CNTNAP4: variants seen among roughly 807,000 people sequenced by gnomAD.
CNTNAP4 encodes contactin associated protein family member 4.
Under a neutral mutation model 148.4 loss-of-function variants are expected in CNTNAP4, and 98 were observed. That is an observed-to-expected ratio of 0.66 (90% CI 0.56 to 0.78). The LOEUF (loss-of-function observed/expected upper bound fraction) is 0.78, where lower values mean the gene tolerates loss of function less well. Ranked by LOEUF, CNTNAP4 falls within the 30% of genes least tolerant of loss-of-function variation. CNTNAP4 has a pLI of 0.00. For synonymous variants in CNTNAP4, 730 were observed against 565.1 expected (o/e 1.29, Z -4.14); for missense variants, 1,935 against 1,565.6 (o/e 1.24, Z -3.98).
At chr16:76,555,786 G>C (rs1353251898) in intron 23 of CNTNAP4, among the ~76,000 whole-genome samples, 1 of 152,202 alleles carries the variant, frequency 6.6e-6, no homozygotes, top group African/African-American at 2.4e-5. Context: ...CAAATTCACA[G>C]GACAGAAACA....
chr16:76,474,830 A>T (rs976370174), intron 10 of CNTNAP4, among the ~76,000 whole-genome samples: 3 of 152,234 alleles, frequency 2.0e-5, no homozygotes, highest in Non-Finnish European at 2.9e-5. Flanking sequence ...CCTAACCTTA[A>T]AAAGTGGTTT....
chr16:76,307,076 A>G (rs1333029265), intron 1 of CNTNAP4, among the ~76,000 whole-genome samples: 2 of 152,220 alleles, frequency 1.3e-5, no homozygotes, highest in African/African-American at 2.4e-5. Context: ...CCTAACAATA[A>G]CAAAAGTACT....
chr16:76,526,362 C>CA (rs1175097161), intron 17 of CNTNAP4, among the ~76,000 whole-genome samples: 1 of 152,138 alleles, frequency 6.6e-6, no homozygotes, highest in East Asian at 1.9e-4. Flanking sequence ...CTTGTAGGGC[C>CA]ATGGCGAGGA....
intron 21 of CNTNAP4, among the ~76,000 whole-genome samples, chr16:76,540,998 T>C (rs1327953740): frequency 6.6e-6 from 1 of 152,124 alleles, no homozygotes; most frequent in Non-Finnish European, 1.5e-5. Flanking sequence ...CTTCCTTTGA[T>C]GGTAAGGTCA....
intron 23 of CNTNAP4, among the ~76,000 whole-genome samples, chr16:76,556,516 G>A (rs2144437359): frequency 6.6e-6 from 1 of 152,192 alleles, no homozygotes. Context: ...TGGATATTCT[G>A]TCTCGGCCAA....
chr16:76,309,331 G>A (rs141724445), intron 1 of CNTNAP4, among the ~76,000 whole-genome samples: 1 of 151,986 alleles, frequency 6.6e-6, no homozygotes, highest in Non-Finnish European at 1.5e-5. Context: ...GTTTGCTGCA[G>A]CAAGGTGGTT....
intron 3 of CNTNAP4, among the ~76,000 whole-genome samples, chr16:76,420,678 A>AAACAAC (rs199509550): frequency 1.3e-5 from 2 of 151,790 alleles, no homozygotes; most frequent in Admixed American, 1.3e-4. Flanking sequence ...CCATGACCAA[A>AAACAAC]AACAACAACA....
intron 3 of CNTNAP4, among the ~76,000 whole-genome samples, chr16:76,420,511 C>T (rs377464120): frequency 6.6e-5 from 10 of 151,888 alleles, no homozygotes; most frequent in Admixed American, 4.6e-4. Flanking sequence ...CTTTAATCTC[C>T]GTGCGGGGCT....
intron 3 of CNTNAP4, among the ~76,000 whole-genome samples, chr16:76,355,819 A>G (rs7200232): frequency 0.022 from 3,407 of 151,582 alleles, 102 homozygotes; most frequent in African/African-American, 0.078. Context: ...TTGTTCAAAA[A>G]CATAATAGTC....
intron 17 of CNTNAP4, among the ~76,000 whole-genome samples, chr16:76,531,363 G>T (rs2083977552): frequency 6.6e-6 from 1 of 152,176 alleles, no homozygotes; most frequent in African/African-American, 2.4e-5. Flanking sequence ...CATGAGGAAA[G>T]GGTTTGGTGC....
intron 3 of CNTNAP4, among the ~76,000 whole-genome samples, chr16:76,366,314 T>C (rs2014124064): frequency 6.6e-6 from 1 of 152,168 alleles, no homozygotes; most frequent in African/African-American, 2.4e-5. Flanking sequence ...CCCCAGTGTC[T>C]GTTGTTCCCT....
At chr16:76,497,042 T>C (rs1004830205) in intron 14 of CNTNAP4, among the ~76,000 whole-genome samples, 1 of 152,194 alleles carries the variant, frequency 6.6e-6, no homozygotes, top group East Asian at 1.9e-4. Context: ...CAAATTCTAA[T>C]AGAAATTCTT....
intron 11 of CNTNAP4, among the ~76,000 whole-genome samples, chr16:76,477,461 A>G (rs1227988111): frequency 6.6e-6 from 1 of 152,092 alleles, no homozygotes; most frequent in African/African-American, 2.4e-5. Flanking sequence ...TATACACTGC[A>G]TTGTGCTCCT....
intron 12 of CNTNAP4, among the ~76,000 whole-genome samples, chr16:76,485,339 A>G (rs916356299): frequency 2.7e-4 from 41 of 150,176 alleles, no homozygotes; most frequent in Admixed American, 1.8e-3. Context: ...CTGGTCTCGA[A>G]CTCCCGACCT....
At chr16:76,449,893 A>ATATT (rs2080395924) in intron 7 of CNTNAP4, 35 bp downstream of exon 7, 1 of 1,550,944 alleles carries the variant, frequency 6.4e-7, no homozygotes, top group African/African-American at 1.4e-5. Context: ...TAGTAAAACT[A>ATATT]TATTTCTTTT....
At chr16:76,548,409 T>G (rs12927455) in intron 21 of CNTNAP4, among the ~76,000 whole-genome samples, 47,707 of 151,134 alleles carry the variant, frequency 0.32, 7,746 homozygotes, top group African/African-American at 0.4. Flanking sequence ...TACTTCGTTT[T>G]CTGAGTTTTT....
intron 1 of CNTNAP4, among the ~76,000 whole-genome samples, chr16:76,285,985 C>G (rs966275975): frequency 1.3e-5 from 2 of 151,960 alleles, no homozygotes; most frequent in African/African-American, 2.4e-5. Context: ...AGTCAAATTT[C>G]TAGGCTAATA....
chr16:76,540,162 C>G (rs2084388231), intron 20 of CNTNAP4, among the ~76,000 whole-genome samples: 1 of 151,958 alleles, frequency 6.6e-6, no homozygotes. Context: ...TAGATAAATG[C>G]AGTAATAAAT....
At chr16:76,355,177 T>C in intron 2 of CNTNAP4, 141 bp from the exon 3 acceptor site, 1 of 492,912 alleles carries the variant, frequency 2.0e-6, no homozygotes, top group East Asian at 3.4e-5. Context: ...CTCTATATTT[T>C]TCTACAATTA....
Sources: allele counts gnomAD v4.1 joint callset (sites outside exome capture counted in the v4.1 genomes callset), GRCh38; gene constraint gnomAD v4.1.1; transcripts MANE v1.5; gene names NCBI Gene and HGNC (gene_info 2026-07-23, HGNC 2026-07-21).